The following MYO1E variants were observed in gnomAD, a reference collection of about 807,000 sequenced individuals.
The protein encoded by MYO1E is myosin IE.
Under a neutral mutation model 151.1 loss-of-function variants are expected in MYO1E, and 68 were observed. That is an observed-to-expected ratio of 0.45 (90% confidence interval 0.37 to 0.55). MYO1E has a LOEUF of 0.55. MYO1E is among the 20% of genes least tolerant of loss of function. The pLI is 0.00. For synonymous variants in MYO1E, 601 were observed against 501.7 expected (o/e 1.20, Z -2.64); for missense variants, 1,363 against 1,389.3 (o/e 0.98, Z 0.30).
intron 22 of MYO1E, among the ~76,000 whole-genome samples, chr15:59,165,130 C>T (rs1207363333): frequency 1.3e-5 from 2 of 152,196 alleles, no homozygotes; most frequent in Non-Finnish European, 2.9e-5. Context: ...TTACTGTTTA[C>T]ATATTACCCA....
chr15:59,229,501 G>T (rs1397673474), intron 6 of MYO1E, among the ~76,000 whole-genome samples: 2 of 152,134 alleles, frequency 1.3e-5, no homozygotes, highest in Non-Finnish European at 2.9e-5. Flanking sequence ...AGCCTGGGGG[G>T]GATGACAGGA....
intron 1 of MYO1E, among the ~76,000 whole-genome samples, chr15:59,352,009 G>T (rs2080826133): frequency 6.6e-6 from 1 of 152,162 alleles, no homozygotes; most frequent in South Asian, 2.1e-4. Flanking sequence ...TTAGGAGAAG[G>T]TTTGATAGAC....
intron 4 of MYO1E, among the ~76,000 whole-genome samples, chr15:59,253,667 A>T (rs1191189026): frequency 6.6e-6 from 1 of 151,980 alleles, no homozygotes; most frequent in African/African-American, 2.4e-5. Context: ...ATTTTAGTAG[A>T]GATGGGGTTT....
chr15:59,306,182 A>C (rs747721), intron 1 of MYO1E, among the ~76,000 whole-genome samples: 2 of 152,248 alleles, frequency 1.3e-5, no homozygotes, highest in African/African-American at 4.8e-5. Flanking sequence ...CCTTTGCAAT[A>C]TGTTAGTGCT....
intron 1 of MYO1E, among the ~76,000 whole-genome samples, chr15:59,321,522 T>C (rs1346681759): frequency 1.3e-5 from 2 of 152,186 alleles, no homozygotes; most frequent in Non-Finnish European, 2.9e-5. Context: ...CGAAATCATG[T>C]CCTTTGAAGC....
chr15:59,275,389 C>T (rs1244868664), intron 1 of MYO1E, among the ~76,000 whole-genome samples: 2 of 152,092 alleles, frequency 1.3e-5, no homozygotes, highest in Admixed American at 1.3e-4. Context: ...ATCTCTCTCT[C>T]CCTCTCCCTC....
At chr15:59,218,597 G>T (rs1048553607) in intron 9 of MYO1E, among the ~76,000 whole-genome samples, 1 of 152,260 alleles carries the variant, frequency 6.6e-6, no homozygotes. Context: ...GCATGTGTAG[G>T]GTTACTAAAG....
At chr15:59,341,232 T>C (rs1413912288) in intron 1 of MYO1E, 3 of 152,184 alleles carry the variant, frequency 2.0e-5, no homozygotes, top group Non-Finnish European at 2.9e-5. Flanking sequence ...TAATACTCTT[T>C]TAGTTATTTT....
chr15:59,168,209 ATTAGAAAAACATT>A (rs1256506789), intron 22 of MYO1E, among the ~76,000 whole-genome samples: 1 of 152,166 alleles, frequency 6.6e-6, no homozygotes, highest in Non-Finnish European at 1.5e-5. Context: ...CTACTGGAGG[ATTAGAAAAACATT>A]TTATTATGGA....
chr15:59,236,171 C>T (rs59773793), intron 5 of MYO1E, among the ~76,000 whole-genome samples: 37,830 of 151,388 alleles, frequency 0.25, 5,015 homozygotes, highest in African/African-American at 0.34. Context: ...GTGAAACCCC[C>T]GTCTCTACTA....
At chr15:59,234,551 G>A (rs1281872203) in intron 5 of MYO1E, among the ~76,000 whole-genome samples, 1 of 152,182 alleles carries the variant, frequency 6.6e-6, no homozygotes, top group Non-Finnish European at 1.5e-5. Flanking sequence ...CAGACATGGT[G>A]GCTCATGCCT....
chr15:59,199,423 C>T (rs936799100), intron 16 of MYO1E, among the ~76,000 whole-genome samples: 1 of 152,072 alleles, frequency 6.6e-6, no homozygotes, highest in Non-Finnish European at 1.5e-5. Context: ...ATCTGAAAAG[C>T]TGAAATCCAA....
chr15:59,314,992 C>G (rs1402975404), intron 1 of MYO1E, among the ~76,000 whole-genome samples: 1 of 152,002 alleles, frequency 6.6e-6, no homozygotes, highest in Non-Finnish European at 1.5e-5. Context: ...CCATGAGTAA[C>G]CTTTTGATTT....
intron 18 of MYO1E, among the ~76,000 whole-genome samples, chr15:59,184,469 T>G (rs2079683816): frequency 6.6e-6 from 1 of 152,122 alleles, no homozygotes; most frequent in Non-Finnish European, 1.5e-5. Flanking sequence ...CAAGCAATTT[T>G]CCCGCCTCAG....
chr15:59,277,546 C>T (rs1353157432), intron 1 of MYO1E, among the ~76,000 whole-genome samples: 3 of 10,148 alleles, frequency 3.0e-4, no homozygotes, highest in Non-Finnish European at 7.1e-4. Context: ...TCCATCCCCC[C>T]ACAAAAAAAA....
At chr15:59,289,000 C>T (rs1007994972) in intron 1 of MYO1E, among the ~76,000 whole-genome samples, 3 of 152,210 alleles carry the variant, frequency 2.0e-5, no homozygotes, top group African/African-American at 7.2e-5. Flanking sequence ...TACATATTTA[C>T]ATTCAGAACC....
intron 22 of MYO1E, among the ~76,000 whole-genome samples, chr15:59,164,386 T>C (rs527614383): frequency 1.3e-4 from 20 of 152,240 alleles, no homozygotes; most frequent in Non-Finnish European, 2.5e-4. Context: ...GCAAACCTGC[T>C]TCAGTGAATT....
intron 9 of MYO1E, among the ~76,000 whole-genome samples, chr15:59,220,749 A>G (rs1373761369): frequency 6.6e-6 from 1 of 151,798 alleles, no homozygotes; most frequent in African/African-American, 2.4e-5. Context: ...ATTAATGTCC[A>G]ACAACAGATA....
intron 4 of MYO1E, among the ~76,000 whole-genome samples, chr15:59,254,640 C>A (rs1180362875): frequency 1.3e-5 from 2 of 151,816 alleles, no homozygotes; most frequent in African/African-American, 4.8e-5. Context: ...TATTCTTTCT[C>A]ATTTTGTGTA....
Sources: allele counts gnomAD v4.1 joint callset (sites outside exome capture counted in the v4.1 genomes callset), GRCh38; gene constraint gnomAD v4.1.1; transcripts MANE v1.5; gene names NCBI Gene and HGNC (gene_info 2026-07-23, HGNC 2026-07-21).